ESRRG: variants seen among roughly 807,000 people sequenced by gnomAD.
ESRRG encodes estrogen-related receptor gamma.
In ESRRG, 13 loss-of-function variants were observed where a neutral mutation model predicts 44.0. That is an observed-to-expected ratio of 0.30 (90% CI 0.19 to 0.47). The LOEUF (loss-of-function observed/expected upper bound fraction) is 0.47. Among genes scored for constraint, ESRRG ranks in the 20% least tolerant of loss-of-function variants. The probability of loss-of-function intolerance (pLI) is 1.00; values close to 1 mark genes in which losing one functional copy is unlikely to be tolerated. For synonymous variants in ESRRG, 215 were observed against 214.6 expected, an observed-to-expected ratio of 1.00 and a Z score of -0.02; for missense variants, 395 against 580.6, an observed-to-expected ratio of 0.68 and a Z score of 3.29.
intron 3 of ESRRG, among the ~76,000 whole-genome samples, chr1:216,638,135 T>TC (rs1253086341): frequency 6.6e-6 from 1 of 152,150 alleles, no homozygotes; most frequent in Non-Finnish European, 1.5e-5. Context: ...CCATGAGACA[T>TC]CCCAAGTGAA....
At chr1:216,809,504 C>A (rs2094904009) in intron 2 of ESRRG, among the ~76,000 whole-genome samples, 1 of 152,106 alleles carries the variant, frequency 6.6e-6, no homozygotes, top group Non-Finnish European at 1.5e-5. Flanking sequence ...GTGATAGCAA[C>A]ATTTTTATGC....
intron 3 of ESRRG, among the ~76,000 whole-genome samples, chr1:216,620,366 C>T (rs1003494060): frequency 1.1e-4 from 17 of 152,144 alleles, no homozygotes; most frequent in African/African-American, 2.2e-4. Flanking sequence ...ATTTTAGACC[C>T]GTCCACCACC....
chr1:217,085,380 A>T (rs2151528513), intron 1 of ESRRG, among the ~76,000 whole-genome samples: 1 of 151,896 alleles, frequency 6.6e-6, no homozygotes, highest in South Asian at 2.1e-4. Flanking sequence ...TGGCACCACC[A>T]CTAATTCCAA....
chr1:216,913,045 C>A (rs2060659712), intron 2 of ESRRG, among the ~76,000 whole-genome samples: 1 of 148,616 alleles, frequency 6.7e-6, no homozygotes, highest in Non-Finnish European at 1.5e-5. Context: ...ATCACTTGAA[C>A]CCCAGGGTGT....
At chr1:216,644,373 A>G (rs1353344295) in intron 3 of ESRRG, among the ~76,000 whole-genome samples, 1 of 151,696 alleles carries the variant, frequency 6.6e-6, no homozygotes, top group East Asian at 1.9e-4. Flanking sequence ...GAAAATATTC[A>G]CACACAACAC....
Position 216,535,391 on chromosome 1 carries a change from C to A in ESRRG, c.863-15970G>T, listed in dbSNP as rs575459125. ...AGGGAAAACATGAATCCAAAACAAG[C>A]CTTTCCTGCATGAATGGACAGTCTT... On this transcript the variant is annotated intron_variant, in intron 5 of 6. Coordinates refer to ENST00000408911, the MANE Select transcript of ESRRG (RefSeq NM_001438.4). Among the ~76,000 whole-genome samples the A allele has an allele frequency of 1.8e-3, 275 of 152,166 alleles. 2 individuals carry two copies. Among genetic ancestry groups the A allele is most frequent in the African/African-American group, 6.1e-3 (255 of 41,524 alleles).
chr1:216,665,165 TC>T (rs1038688600), intron 2 of ESRRG, among the ~76,000 whole-genome samples: 10 of 152,156 alleles, frequency 6.6e-5, no homozygotes, highest in Admixed American at 2.0e-4. Context: ...GTTATAATTG[TC>T]CTATTTTAGT....
chr1:217,036,643 A>C (rs1391689968), intron 1 of ESRRG, among the ~76,000 whole-genome samples: 2 of 152,138 alleles, frequency 1.3e-5, no homozygotes, highest in Non-Finnish European at 2.9e-5. Context: ...GAGGAGAACA[A>C]CACACACTGG....
chr1:216,855,234 T>C lies in ESRRG; in HGVS notation c.-14+84348A>G, dbSNP rs2095910270. 3 of 152,170 alleles carry C rather than the reference T, an allele frequency of 2.0e-5. No individual in the cohort carries two copies. In the South Asian group the frequency reaches 6.2e-4, roughly 31 times the overall value. 9.4% of individuals were successfully genotyped at this position (152,170 alleles called of 1,614,324 possible). A position where few individuals can be genotyped will look rare whatever the true frequency, so the allele number is the denominator to read the frequency against. ...AAACAAAAACATGCAAAAGTTGGCT[T>C]GAACAATAACAGGGCTTAGGTACAA... On this transcript the variant is annotated intron_variant, in intron 2 of 7. Coordinates refer to the ESRRG transcript ENST00000359162.
chr1:216,651,126 C>T (rs1190296785), intron 2 of ESRRG, 37 bp from the exon 3 acceptor site: 1 of 1,335,048 alleles, frequency 7.5e-7, no homozygotes, highest in African/African-American at 1.4e-5. Context: ...GTCATATTTA[C>T]AAGATCCAGG....
At chr1:217,069,957 G>C (rs968620035) in intron 1 of ESRRG, among the ~76,000 whole-genome samples, 2 of 152,068 alleles carry the variant, frequency 1.3e-5, no homozygotes, top group African/African-American at 4.8e-5. Flanking sequence ...TACAAAAAAT[G>C]GTCACCTATT....
chr1:216,785,930 C>T (rs1055307740), intron 2 of ESRRG, among the ~76,000 whole-genome samples: 1 of 152,210 alleles, frequency 6.6e-6, no homozygotes, highest in African/African-American at 2.4e-5. Context: ...TAACATTTTG[C>T]ATGTTTTGCT....
intron 1 of ESRRG, among the ~76,000 whole-genome samples, chr1:216,984,279 T>C (rs1443854839): frequency 6.6e-6 from 1 of 152,146 alleles, no homozygotes; most frequent in Non-Finnish European, 1.5e-5. Flanking sequence ...CATTTTAAGA[T>C]CTTCTAATCC....
At chr1:216,995,931 C>G (rs564013182) in intron 1 of ESRRG, among the ~76,000 whole-genome samples, 2 of 152,060 alleles carry the variant, frequency 1.3e-5, no homozygotes, top group South Asian at 4.2e-4. Context: ...AACAGGACAG[C>G]AGAAATGAAG....
intron 2 of ESRRG, among the ~76,000 whole-genome samples, chr1:216,854,308 G>A (rs1479683017): frequency 3.9e-5 from 5 of 126,704 alleles, no homozygotes; most frequent in African/African-American, 1.5e-4. Context: ...AGTGAGTCGA[G>A]ATCGCACCAC....
chr1:216,808,616 G>T (rs917563150), intron 2 of ESRRG, among the ~76,000 whole-genome samples: 2 of 151,954 alleles, frequency 1.3e-5, no homozygotes, highest in Non-Finnish European at 2.9e-5. Context: ...TGTAGATGGG[G>T]TTTTGCCATG....
intron 1 of ESRRG, among the ~76,000 whole-genome samples, chr1:216,978,561 G>T (rs1458284233): frequency 1.3e-5 from 2 of 152,134 alleles, no homozygotes; most frequent in African/African-American, 4.8e-5. Context: ...GCACTGCAAA[G>T]GGACATCCAA....
intron 1 of ESRRG, among the ~76,000 whole-genome samples, chr1:217,128,995 T>C (rs947119160): frequency 2.2e-4 from 34 of 151,952 alleles, no homozygotes; most frequent in African/African-American, 8.2e-4. Context: ...TGGGAATTCA[T>C]CAAAATTAAA....
chr1:216,852,940 T>C (rs10863273), intron 2 of ESRRG, among the ~76,000 whole-genome samples: 5,111 of 152,244 alleles, frequency 0.034, 304 homozygotes, highest in African/African-American at 0.11. Context: ...GGAAACCTAA[T>C]ATGCACCAGG....
Sources: gnomAD v4.1 joint callset for allele counts (sites outside exome capture counted in the v4.1 genomes callset) on GRCh38, gnomAD v4.1.1 for gene constraint, MANE v1.5 for transcripts, NCBI Gene and HGNC (gene_info 2026-07-23, HGNC 2026-07-21) for gene names.